Variants in ADGRV1 observed in about 807,000 individuals in gnomAD.
ADGRV1 encodes adhesion G protein-coupled receptor V1.
Under a neutral mutation model 596.2 loss-of-function variants are expected in ADGRV1, and 359 were observed. The observed-to-expected ratio is 0.60, with a 90% CI of 0.55 to 0.66. The LOEUF (loss-of-function observed/expected upper bound fraction) is 0.66, where lower values mean the gene tolerates loss of function less well. Among genes scored for constraint, ADGRV1 ranks in the 30% least tolerant of loss-of-function variants. The pLI is 0.00. For synonymous variants in ADGRV1, 2,681 were observed against 2,679.2 expected (o/e 1.00, Z -0.02); for missense variants, 7,274 against 7,575.6 (o/e 0.96, Z 1.48).
At position 90,738,964 on chromosome 5, in the gene ADGRV1, TA is replaced by T. The variant is rs1435979457; in HGVS notation, c.10550-6081del. Among the ~76,000 whole-genome samples, 12 of 152,244 alleles carry T rather than the reference TA, an allele frequency of 7.9e-5. No individual in the cohort carries two copies. In the East Asian group the frequency reaches 2.3e-3, roughly 29 times the overall value. On this transcript the variant is annotated intron_variant, in intron 50 of 89. Transcript: ENST00000405460. ...TCTTGATTGTGTCACATAATTCCTA[TA>T]GACCTTCTCTATTCTTTTTCATTCT...
At chr5:90,635,313 A>T (rs755860107) in intron 10 of ADGRV1, 23 bp downstream of exon 10, 6 of 1,576,258 alleles carry the variant, frequency 3.8e-6, no homozygotes, top group Non-Finnish European at 5.2e-6. Flanking sequence ...TTTCTTACTG[A>T]TGGGGGCTAA....
chr5:90,666,532 G>C (rs1771426585), intron 21 of ADGRV1, among the ~76,000 whole-genome samples: 1 of 134,060 alleles, frequency 7.5e-6, no homozygotes, highest in Non-Finnish European at 1.6e-5. Context: ...TGGGTTTCCT[G>C]AATACAGCAC....
At chr5:90,628,984 TC>T in intron 8 of ADGRV1, 152 bp downstream of exon 8, 1 of 748,348 alleles carries the variant, frequency 1.3e-6, no homozygotes, top group South Asian at 2.7e-5. Flanking sequence ...CAGTATTCCT[TC>T]TGAAAATAAA....
At chr5:90,930,225 C>A (rs1775098870) in intron 83 of ADGRV1, among the ~76,000 whole-genome samples, 2 of 152,188 alleles carry the variant, frequency 1.3e-5, no homozygotes, top group Non-Finnish European at 2.9e-5. Context: ...AGATGTTCTA[C>A]TTTCTTATTA....
At chr5:91,082,466 A>G (rs1789477995) in intron 86 of ADGRV1, among the ~76,000 whole-genome samples, 1 of 152,132 alleles carries the variant, frequency 6.6e-6, no homozygotes, top group South Asian at 2.1e-4. Flanking sequence ...AGCCAGGACT[A>G]TAAACACGTG....
chr5:91,124,849 A>G (rs1181331343), intron 87 of ADGRV1, among the ~76,000 whole-genome samples: 1 of 152,226 alleles, frequency 6.6e-6, no homozygotes, highest in Admixed American at 6.5e-5. Context: ...TTGAGCTTGT[A>G]TGATTTTTTC....
intron 87 of ADGRV1, among the ~76,000 whole-genome samples, chr5:91,126,356 G>T (rs2126772933): frequency 6.6e-6 from 1 of 152,310 alleles, no homozygotes; most frequent in Middle Eastern, 3.4e-3. Flanking sequence ...ATTTTCCAGT[G>T]TGTTCTACCA....
intron 88 of ADGRV1, among the ~76,000 whole-genome samples, chr5:91,152,989 A>G (rs1386668809): frequency 3.3e-5 from 5 of 152,178 alleles, no homozygotes; most frequent in Non-Finnish European, 7.4e-5. Context: ...AGGCTGAGGC[A>G]GGATCTCTTG....
Position 90,802,890 on chromosome 5 carries a change from G to C in ADGRV1, c.14661+8G>C, listed in dbSNP as rs758514165. The C allele has an allele frequency of 1.3e-6, 2 of 1,597,088 alleles. No homozygotes were observed. Among genetic ancestry groups the C allele is most frequent in the African/African-American group, 2.7e-5 (2 of 74,606 alleles). ...AAAGCTGCCAATTCTCAGGTAATTG[G>C]CCCTGTGTGTGGTTCTCTCAGCAGA... On this transcript the variant is annotated splice_region_variant and intron_variant, in intron 71 of 89. Transcript: ENST00000405460.
intron 5 of ADGRV1, among the ~76,000 whole-genome samples, chr5:90,624,881 C>T (rs942235279): frequency 6.6e-6 from 1 of 151,356 alleles, no homozygotes; most frequent in African/African-American, 2.4e-5. Context: ...TTTTTTTCCC[C>T]TCAGGTTTAA....
Position 90,674,066 on chromosome 5 carries a change from T to C in ADGRV1, c.4942T>C (p.Tyr1648His). The change falls in exon 23 of 90, where the codon TAT becomes CAT. Residue 1648 changes from tyrosine to histidine, a missense_variant. Tyr to His is a moderately conservative substitution (Grantham distance 83). Around this residue, in one of 5 missense-constraint regions of ADGRV1, gnomAD observed 3,643 missense variants for 3,809.2 expected, o/e 0.96. Coordinates refer to ENST00000405460, the MANE Select transcript of ADGRV1 (RefSeq NM_032119.4). Reference sequence around the variant, plus strand: ...TTTATATTTTTAGGTTCTGAATATATATGTTCTTGATGATGATATTCCTGA... The same window carrying C: ...TTTATATTTTTAGGTTCTGAATATACATGTTCTTGATGATGATATTCCTGA... ...PWQRSEVLNI[Y>H]VLDDDIPELN... 1 of 1,610,138 alleles carries C rather than the reference T, an allele frequency of 6.2e-7. No individual in the cohort carries two copies. The highest frequency in any genetic ancestry group is 8.5e-7 in the Non-Finnish European group (1 of 1,176,834).
At chr5:90,672,952 T>G in intron 22 of ADGRV1, 1 of 444,820 alleles carries the variant, frequency 2.2e-6, no homozygotes, top group Non-Finnish European at 3.9e-6. Flanking sequence ...CATGACATTT[T>G]TGCGTTGGAT....
At chr5:90,683,288 G>T (rs534728229) in intron 27 of ADGRV1, among the ~76,000 whole-genome samples, 1 of 152,184 alleles carries the variant, frequency 6.6e-6, no homozygotes, top group South Asian at 2.1e-4. Context: ...ATAGCTGACT[G>T]CAGCCTCGAA....
intron 85 of ADGRV1, among the ~76,000 whole-genome samples, chr5:91,010,066 A>T (rs1782600616): frequency 6.6e-6 from 1 of 152,064 alleles, no homozygotes; most frequent in Non-Finnish European, 1.5e-5. Context: ...TTTCATTCGT[A>T]AGAATTGGCC....
intron 83 of ADGRV1, among the ~76,000 whole-genome samples, chr5:90,935,182 C>G (rs1775571967): frequency 6.6e-6 from 1 of 152,178 alleles, no homozygotes. Context: ...AGCATATTCA[C>G]CTAGACAAGA....
chr5:90,666,565 A>G (rs1771436469), intron 21 of ADGRV1, among the ~76,000 whole-genome samples: 1 of 105,320 alleles, frequency 9.5e-6, no homozygotes, highest in Non-Finnish European at 1.9e-5. Flanking sequence ...TGACTATCCA[A>G]TTTGCCAGTC....
intron 85 of ADGRV1, among the ~76,000 whole-genome samples, chr5:91,035,393 A>G (rs1784782476): frequency 6.6e-6 from 1 of 152,178 alleles, no homozygotes; most frequent in African/African-American, 2.4e-5. Flanking sequence ...AATTCTGTTT[A>G]TAAGATTTTA....
At chr5:90,866,315 A>ATGTGTGTGTGTGTGTG (rs149341618) in intron 83 of ADGRV1, among the ~76,000 whole-genome samples, 2,134 of 138,282 alleles carry the variant, frequency 0.015, 33 homozygotes, top group South Asian at 0.07. Context: ...GTATGTGTAT[A>ATGTGTGTGTGTGTGTG]TGTGTGTGTG....
chr5:90,979,072 C>G (rs1367883951), intron 84 of ADGRV1, among the ~76,000 whole-genome samples: 18 of 151,590 alleles, frequency 1.2e-4, no homozygotes, highest in African/African-American at 4.4e-4. Flanking sequence ...ACAAGTAAAA[C>G]ATATCTCCAC....
Sources: gnomAD v4.1 joint callset for allele counts (sites outside exome capture counted in the v4.1 genomes callset) on GRCh38, gnomAD v4.1.1 for gene constraint, gnomAD v4.1.1 regional missense constraint, MANE v1.5 for transcripts, NCBI Gene and HGNC (gene_info 2026-07-23, HGNC 2026-07-21) for gene names.